The following TAF7L variants were observed in gnomAD, a reference collection of about 807,000 sequenced individuals.
TAF7L encodes transcription initiation factor TFIID subunit 7-like.
A neutral mutation model predicts 30.2 loss-of-function variants in TAF7L; 6 were observed. The observed-to-expected ratio is 0.20, with a 90% confidence interval of 0.11 to 0.39. TAF7L has a LOEUF of 0.39. Ranked by LOEUF, TAF7L falls within the 10% of genes least tolerant of loss-of-function variation. The pLI, the probability that TAF7L is intolerant of heterozygous loss-of-function variation, is 1.00. For missense variants in TAF7L, 284 were observed against 277.1 expected, an observed-to-expected ratio of 1.03 and a Z score of -0.18; for synonymous variants, 93 against 94.5, an observed-to-expected ratio of 0.98 and a Z score of 0.09.
At position 101,276,075 on chromosome X, in the gene TAF7L, T is replaced by C; in HGVS notation, c.951A>G (p.Lys317=). ...CTTTATTCTGAATCTTATGGAGCTT[T>C]TTCTCCTTTTTCTCAATCTGCTTCT... ...EIQKQIEKKE[K]KLHKIQNKAQ... The change falls in exon 11 of 13, where the codon AAA becomes AAG. Residue 317 remains lysine, a synonymous_variant. Coordinates refer to ENST00000356784, the MANE Select transcript of TAF7L (RefSeq NM_001168474.2). 1 of 1,204,401 alleles carries C rather than the reference T, an allele frequency of 8.3e-7. No individual in the cohort carries two copies. The highest frequency in any genetic ancestry group is 1.1e-6 in the Non-Finnish European group (1 of 892,486).
upstream of TAF7L, among the ~76,000 whole-genome samples, chrX:101,292,361 C>T (rs1171130020): frequency 1.9e-5 from 2 of 103,062 alleles, no homozygotes; most frequent in Non-Finnish European, 3.9e-5. Flanking sequence ...ATCTCTTGAA[C>T]CCAGGAGGTG....
At position 101,268,501 on chromosome X, in the gene TAF7L, C is replaced by T. The variant is rs1359855599; in HGVS notation, c.*692G>A. ...TTGGTGAATAACAACCAGCTCCATC[C>T]TAAAAACAACAGAACATAAGCAGCA... On this transcript the variant is annotated 3_prime_UTR_variant, in exon 13 of 13. Coordinates refer to ENST00000356784, the MANE Select transcript of TAF7L (RefSeq NM_001168474.2). 1 of 111,517 alleles carries T rather than the reference C, an allele frequency of 9.0e-6. No homozygotes were observed. Among genetic ancestry groups the T allele is most frequent in the Non-Finnish European group, 1.9e-5 (1 of 53,164 alleles). The allele number at this position is 111,517 out of a possible 1,213,427, so 9.2% of individuals were successfully genotyped here. A position where few individuals can be genotyped will look rare whatever the true frequency, so the allele number is the denominator to read the frequency against.
intron 12 of TAF7L, among the ~76,000 whole-genome samples, chrX:101,271,644 C>T (rs1424461095): frequency 9.0e-6 from 1 of 111,666 alleles, no homozygotes; most frequent in East Asian, 2.8e-4. Flanking sequence ...CATTACTATG[C>T]ACTACTGAAG....
At chrX:101,277,503 GTTTTTTTTTT>G in intron 9 of TAF7L, 93 bp downstream of exon 9, 1 of 321,348 alleles carries the variant, frequency 3.1e-6, no homozygotes, top group East Asian at 5.5e-5. Flanking sequence ...TTTTTTCTGG[GTTTTTTTTTT>G]TTTGGATTGG....
At chrX:101,282,646 G>GCCA (rs1924455039) in intron 4 of TAF7L, among the ~76,000 whole-genome samples, 193 bp from the exon 5 acceptor site, 1 of 109,272 alleles carries the variant, frequency 9.2e-6, no homozygotes, top group East Asian at 2.8e-4. Context: ...CCCACCACCA[G>GCCA]CCACCAGCAG....
At chrX:101,280,103 T>C (rs1461122258) in intron 6 of TAF7L, among the ~76,000 whole-genome samples, 1 of 109,334 alleles carries the variant, frequency 9.1e-6, no homozygotes, top group Non-Finnish European at 1.9e-5. Context: ...CAAAGAGTTC[T>C]TAGATTTACT....
chrX:101,276,631 G>T, intron 9 of TAF7L, 103 bp from the exon 10 acceptor site: 1 of 877,960 alleles, frequency 1.1e-6, no homozygotes, highest in Non-Finnish European at 1.6e-6. Context: ...GGCAACCAGT[G>T]AATTTTATAA....
chrX:101,275,393 G>C, intron 11 of TAF7L, 112 bp from the exon 12 acceptor site: 1 of 549,818 alleles, frequency 1.8e-6, no homozygotes, highest in South Asian at 3.4e-5. Context: ...TTTTGAGGCG[G>C]AATCTTCCTC....
upstream of TAF7L, among the ~76,000 whole-genome samples, chrX:101,292,507 G>T (rs1924861744): frequency 9.5e-6 from 1 of 104,980 alleles, no homozygotes; most frequent in Non-Finnish European, 1.9e-5. Context: ...TAGGTCGGAC[G>T]GTTTGTCCCT....
Position 101,277,870 on chromosome X carries a change from T to C in TAF7L, c.578-151A>G, listed in dbSNP as rs946732348. ...TCCTAGTTTGGAGAAGTGCCTCATA[T>C]TGAATTACACAATAAATAATTTTCT... is the stretch of plus-strand genomic sequence containing the variant. On this transcript the variant is annotated intron_variant, in intron 8 of 12. Transcript: ENST00000356784. 4 of 542,514 alleles carry C rather than the reference T, an allele frequency of 7.4e-6. No homozygotes were observed. In the African/African-American group the frequency reaches 9.5e-5, roughly 13 times the overall value. 44.7% of individuals were successfully genotyped at this position (542,514 alleles called of 1,213,427 possible). A position where few individuals can be genotyped will look rare whatever the true frequency, so the allele number is the denominator to read the frequency against.
chrX:101,287,507 C>G lies in TAF7L; in HGVS notation c.37G>C (p.Glu13Gln). ...GGCAGACGCAATATAAACTGGTTCT[C>G]AACTTCATCAGGAACTTCATCCTGG... is the stretch of plus-strand genomic sequence containing the variant. ...ESQDEVPDEV[E>Q]NQFILRLPLE... The change falls in exon 2 of 13, where the codon GAG becomes CAG. Residue 13 changes from glutamate to glutamine, a missense_variant. Transcript: ENST00000356784. 13 of 1,209,253 alleles carry G rather than the reference C, an allele frequency of 1.1e-5. No homozygotes were observed. Among genetic ancestry groups the G allele is most frequent in the Non-Finnish European group, 1.5e-5 (13 of 893,847 alleles).
Position 101,269,139 on chromosome X carries a change from A to G in TAF7L, c.*54T>C. The G allele has an allele frequency of 9.1e-7, 1 of 1,098,411 alleles. No homozygotes were observed. Among genetic ancestry groups the G allele is most frequent in the Non-Finnish European group, 1.3e-6 (1 of 796,930 alleles). The allele number at this position is 1,098,411 out of a possible 1,213,427, so 90.5% of individuals were successfully genotyped here. A position where few individuals can be genotyped will look rare whatever the true frequency, so the allele number is the denominator to read the frequency against. On this transcript the variant is annotated 3_prime_UTR_variant, in exon 13 of 13. Transcript: ENST00000356784. ...ACAAAAACGTGCACAGTTTCATCCA[A>G]TCTGCAGTCTGGATGGTGAATCCAA...
chrX:101,281,885 CTTTT>C (rs150397187), intron 5 of TAF7L, 110 bp from the exon 6 acceptor site: 1,613 of 433,863 alleles, frequency 3.7e-3, no homozygotes, highest in Non-Finnish European at 3.9e-3. Flanking sequence ...GACATCACTC[CTTTT>C]TTTTTTTTTT....
intron 2 of TAF7L, among the ~76,000 whole-genome samples, chrX:101,286,996 C>T (rs773606317): frequency 2.7e-5 from 3 of 112,183 alleles, no homozygotes; most frequent in Admixed American, 1.9e-4. Context: ...AAATAGGTTT[C>T]TGAACCCCAT....
intron 7 of TAF7L, 93 bp from the exon 8 acceptor site, chrX:101,278,214 C>T: frequency 3.1e-6 from 2 of 645,889 alleles, no homozygotes; most frequent in Non-Finnish European, 5.0e-6. Context: ...CCAACGAATT[C>T]AAATGTTAGG....
intron 1 of TAF7L, among the ~76,000 whole-genome samples, chrX:101,288,455 CTT>C (rs58220003): frequency 2.1e-5 from 2 of 94,164 alleles, no homozygotes; most frequent in Admixed American, 1.2e-4. Context: ...GAATCCAGTT[CTT>C]TTTTTTTTTT....
Position 101,278,072 on chromosome X carries a change from G to A in TAF7L, c.554C>T (p.Ser185Leu), listed in dbSNP as rs941226049. ...ACGGGTACTTACGGCTTCAGCATCC[G>A]AACGCAGCAGTCTCTTTACTTCATT... The part of the protein sequence containing the change: ...VENEVKRLLR[S>L]DAEAVSTRWE... The change falls in exon 8 of 13, where the codon TCG becomes TTG. Residue 185 changes from serine to leucine, a missense_variant. Transcript: ENST00000356784. 8.3e-7 allele frequency: 1 copy of A among 1,209,026 alleles called. No individual in the cohort carries two copies. The highest frequency in any genetic ancestry group is 1.1e-6 in the Non-Finnish European group (1 of 894,547).
At chrX:101,287,964 C>G (rs1335527470) in intron 1 of TAF7L, among the ~76,000 whole-genome samples, 1 of 111,785 alleles carries the variant, frequency 8.9e-6, no homozygotes, top group Admixed American at 9.5e-5. Flanking sequence ...GCCTAGAAAC[C>G]ACTTGCATAA....
At chrX:101,287,305 G>A (rs916427186) in intron 2 of TAF7L, among the ~76,000 whole-genome samples, 173 bp downstream of exon 2, 6 of 111,141 alleles carry the variant, frequency 5.4e-5, no homozygotes, top group Admixed American at 9.6e-5. Context: ...AAAAAATGCT[G>A]CCAAAAAAGT....
Sources: allele counts gnomAD v4.1 joint callset (sites outside exome capture counted in the v4.1 genomes callset), GRCh38; gene constraint gnomAD v4.1.1; transcripts MANE v1.5; gene names NCBI Gene and HGNC (gene_info 2026-07-23, HGNC 2026-07-21).